RNF115: variants seen among roughly 807,000 people sequenced by gnomAD.
RNF115 encodes E3 ubiquitin-protein ligase RNF115.
A neutral mutation model predicts 39.2 loss-of-function variants in RNF115; 31 were observed. The ratio of observed to expected loss-of-function variants is 0.79; its 90% CI spans 0.59 to 1.07. RNF115 has a LOEUF of 1.07. Among genes scored for constraint, RNF115 ranks in the 50% least tolerant of loss-of-function variants. The probability of loss-of-function intolerance (pLI) is 0.00; values close to 1 mark genes in which losing one functional copy is unlikely to be tolerated. For missense variants in RNF115, 384 were observed against 381.7 expected (o/e 1.01, Z -0.05); for synonymous variants, 124 against 131.0 (o/e 0.95, Z 0.37).
intron 4 of RNF115, among the ~76,000 whole-genome samples, chr1:145,765,910 T>TA (rs1478406349): frequency 1.3e-4 from 20 of 152,110 alleles, no homozygotes; most frequent in African/African-American, 3.6e-4. Context: ...CAGGGAAACT[T>TA]ATTAAGTTGG....
intron 3 of RNF115, among the ~76,000 whole-genome samples, chr1:145,781,132 T>G (rs587683350): frequency 2.0e-5 from 3 of 152,182 alleles, no homozygotes; most frequent in African/African-American, 7.2e-5. Flanking sequence ...ATTAGTCTCT[T>G]ATCTCCTACC....
At chr1:145,776,462 C>A (rs187099244) in intron 3 of RNF115, among the ~76,000 whole-genome samples, 327 of 151,982 alleles carry the variant, frequency 2.2e-3, no homozygotes, top group Non-Finnish European at 2.4e-3. Flanking sequence ...CTGCACCCAG[C>A]CTGACCAACA....
Position 145,741,552 on chromosome 1 carries a change from C to T in RNF115, c.*5314G>A, listed in dbSNP as rs1657692392. 1 of 152,184 alleles carries T rather than the reference C, an allele frequency of 6.6e-6. No homozygotes were observed. The highest frequency in any genetic ancestry group is 2.1e-4 in the South Asian group (1 of 4,826). The allele number at this position is 152,184 out of a possible 1,614,324, so 9.4% of individuals were successfully genotyped here. A position where few individuals can be genotyped will look rare whatever the true frequency, so the allele number is the denominator to read the frequency against. ...TGACATTACTGCAGGCTAGGATTTC[C>T]CCCTATAGGACAGCCACTTGTGATA... On this transcript the variant is annotated 3_prime_UTR_variant, in exon 9 of 9. Coordinates refer to ENST00000582693, the MANE Select transcript of RNF115 (RefSeq NM_014455.4).
At chr1:145,794,949 G>A (rs1648894693) in intron 1 of RNF115, among the ~76,000 whole-genome samples, 1 of 150,066 alleles carries the variant, frequency 6.7e-6, no homozygotes, top group African/African-American at 2.4e-5. Flanking sequence ...CCCGGGAGGC[G>A]GAGCTTGCCG....
chr1:145,799,777 A>G (rs1208956023), intron 1 of RNF115, among the ~76,000 whole-genome samples: 3 of 152,120 alleles, frequency 2.0e-5, no homozygotes, highest in Admixed American at 1.3e-4. Flanking sequence ...TATTTTTTGC[A>G]GAGATTAGGT....
intron 4 of RNF115, among the ~76,000 whole-genome samples, chr1:145,763,751 T>C (rs1658625973): frequency 6.6e-6 from 1 of 152,144 alleles, no homozygotes; most frequent in Non-Finnish European, 1.5e-5. Context: ...TGGGTTTTAA[T>C]GTAGTAAGTG....
chr1:145,750,320 A>G (rs1300468585), intron 7 of RNF115, 87 bp downstream of exon 7: 1 of 1,042,916 alleles, frequency 9.6e-7, no homozygotes, highest in East Asian at 2.5e-5. Context: ...TATTTTGTTC[A>G]CTTTTTAAAC....
chr1:145,802,677 C>G (rs1189186517), intron 1 of RNF115, among the ~76,000 whole-genome samples: 1 of 151,498 alleles, frequency 6.6e-6, no homozygotes, highest in African/African-American at 2.4e-5. Context: ...ATTAAAGTGT[C>G]AAAAAAAAGA....
At chr1:145,770,756 C>T (rs1313013398) in intron 4 of RNF115, among the ~76,000 whole-genome samples, 1 of 152,190 alleles carries the variant, frequency 6.6e-6, no homozygotes, top group Non-Finnish European at 1.5e-5. Context: ...GCATGAAGCA[C>T]AGTCCTCTGC....
Position 145,753,061 on chromosome 1 carries a change from G to C in RNF115, c.429-12C>G, listed in dbSNP as rs782731339. ...TGTGTTGTAGTATTCTGTTACAGAAGAAAAAATTAGATAAGACAACAGACT... is the reference window on the plus strand; with the variant it reads ...TGTGTTGTAGTATTCTGTTACAGAACAAAAAATTAGATAAGACAACAGACT... On this transcript the variant is annotated splice_polypyrimidine_tract_variant and intron_variant, in intron 4 of 8. Transcript: ENST00000582693. The C allele has an allele frequency of 2.6e-6, 4 of 1,562,374 alleles. No individual in the cohort carries two copies. Among genetic ancestry groups the C allele is most frequent in the Non-Finnish European group, 3.5e-6 (4 of 1,134,934 alleles).
chr1:145,791,568 T>C (rs1182150242), intron 1 of RNF115, among the ~76,000 whole-genome samples: 1 of 151,678 alleles, frequency 6.6e-6, no homozygotes, highest in African/African-American at 2.4e-5. Flanking sequence ...ATAAATCAAT[T>C]TGTAGACTAG....
At chr1:145,770,305 T>C (rs1553715557) in intron 4 of RNF115, among the ~76,000 whole-genome samples, 2 of 152,180 alleles carry the variant, frequency 1.3e-5, no homozygotes, top group Admixed American at 6.5e-5. Flanking sequence ...TGGATAGATA[T>C]GTAATAACGC....
chr1:145,809,488 A>ATTTTTTTTTTTTT (rs781918386), intron 1 of RNF115, among the ~76,000 whole-genome samples: 1 of 46,344 alleles, frequency 2.2e-5, no homozygotes, highest in African/African-American at 9.6e-5. Context: ...GACCCAGCTA[A>ATTTTTTTTTTTTT]TTTTTTTTTT....
intron 4 of RNF115, among the ~76,000 whole-genome samples, chr1:145,761,528 C>A (rs1046318307): frequency 1.2e-4 from 18 of 152,308 alleles, no homozygotes; most frequent in Admixed American, 8.5e-4. Context: ...GCCTTGGCAG[C>A]GTCCATGTGG....
At chr1:145,798,021 G>C (rs147053922) in intron 1 of RNF115, among the ~76,000 whole-genome samples, 42 of 152,072 alleles carry the variant, frequency 2.8e-4, no homozygotes, top group African/African-American at 8.4e-4. Flanking sequence ...TTGAGTTGTT[G>C]TTCTTTCTAC....
rs186257486 is a variant in RNF115 at position 145,742,047 on chromosome 1, T to A, written c.*4819A>T. 6.6e-6 allele frequency: 1 copy of A among 152,372 alleles called. No individual in the cohort carries two copies. The highest frequency in any genetic ancestry group is 1.9e-4 in the East Asian group (1 of 5,180). 9.4% of individuals were successfully genotyped at this position (152,372 alleles called of 1,614,324 possible). ...TCGCTTGAACCCAGGAGCGGGAGGT[T>A]GCAGTGACCTGAGATCACGCCACTG... On this transcript the variant is annotated 3_prime_UTR_variant, in exon 9 of 9. Coordinates refer to ENST00000582693, the MANE Select transcript of RNF115 (RefSeq NM_014455.4).
intron 1 of RNF115, among the ~76,000 whole-genome samples, chr1:145,808,242 AG>A (rs1553721912): frequency 6.6e-6 from 1 of 152,102 alleles, no homozygotes; most frequent in African/African-American, 2.4e-5. Flanking sequence ...GGTAGTTTTC[AG>A]TTTTTTTTGA....
chr1:145,762,669 T>C (rs1195439186), intron 4 of RNF115, among the ~76,000 whole-genome samples: 1 of 151,838 alleles, frequency 6.6e-6, no homozygotes, highest in African/African-American at 2.4e-5. Flanking sequence ...CAAAACAAAT[T>C]TTTTTTAATA....
intron 4 of RNF115, among the ~76,000 whole-genome samples, chr1:145,769,117 T>A (rs1270702663): frequency 1.3e-5 from 2 of 152,184 alleles, no homozygotes; most frequent in African/African-American, 2.4e-5. Context: ...ATACTAAAAT[T>A]TTTTAGTATA....
Sources: allele counts gnomAD v4.1 joint callset (sites outside exome capture counted in the v4.1 genomes callset), GRCh38; gene constraint gnomAD v4.1.1; transcripts MANE v1.5; gene names NCBI Gene and HGNC (gene_info 2026-07-23, HGNC 2026-07-21).